Variants in LPP observed in about 807,000 individuals in gnomAD.
LPP encodes lipoma-preferred partner.
A neutral mutation model predicts 60.4 loss-of-function variants in LPP; 38 were observed. That is an observed-to-expected ratio of 0.63 (90% CI 0.49 to 0.83). LPP has a LOEUF of 0.83. Ranked by LOEUF, LPP falls within the 40% of genes least tolerant of loss-of-function variation. The probability of loss-of-function intolerance (pLI) is 0.00; values close to 1 mark genes in which losing one functional copy is unlikely to be tolerated. For missense variants in LPP, 902 were observed against 783.6 expected (o/e 1.15, Z -1.80); for synonymous variants, 328 against 290.8 (o/e 1.13, Z -1.30).
At chr3:188,659,720 T>TCATGGAACC (rs1466771634) in intron 7 of LPP, among the ~76,000 whole-genome samples, 4 of 152,016 alleles carry the variant, frequency 2.6e-5, no homozygotes, top group Non-Finnish European at 5.9e-5. Flanking sequence ...CAGCCTTCTC[T>TCATGGAACC]CATGGAACCC....
intron 4 of LPP, among the ~76,000 whole-genome samples, chr3:188,453,500 G>C (rs1384586471): frequency 6.6e-6 from 1 of 152,002 alleles, no homozygotes; most frequent in Non-Finnish European, 1.5e-5. Flanking sequence ...AGGAAATGCT[G>C]ATCTCCTTCC....
intron 7 of LPP, among the ~76,000 whole-genome samples, chr3:188,697,762 T>C (rs1407818521): frequency 1.3e-5 from 2 of 152,240 alleles, no homozygotes; most frequent in African/African-American, 4.8e-5. Context: ...TGTTAACATT[T>C]GGATATATTC....
intron 4 of LPP, among the ~76,000 whole-genome samples, chr3:188,408,078 G>T (rs770119087): frequency 3.9e-5 from 6 of 152,034 alleles, no homozygotes; most frequent in Non-Finnish European, 8.8e-5. Context: ...GTGAGCCACC[G>T]CACCTGGCCC....
chr3:188,705,913 G>A (rs924521471), intron 7 of LPP, among the ~76,000 whole-genome samples: 7 of 152,034 alleles, frequency 4.6e-5, no homozygotes, highest in African/African-American at 1.2e-4. Context: ...CACTGTGCCC[G>A]ACCTGTGCTT....
intron 1 of LPP, among the ~76,000 whole-genome samples, chr3:188,184,981 G>A (rs1726162652): frequency 1.3e-5 from 2 of 152,252 alleles, no homozygotes; most frequent in Non-Finnish European, 2.9e-5. Flanking sequence ...CACAGGCACA[G>A]GTACAGTGTG....
rs1436537071 is a variant in LPP, at chr3:188,258,849, G to A, written c.-67+33322G>A. On this transcript the variant is annotated intron_variant, in intron 2 of 11. Coordinates refer to ENST00000617246, the MANE Select transcript of LPP (RefSeq NM_001375462.1). ...ATGTTACCATTCCATTGAAGGGTGG[G>A]ATTTATTCACTGAGAACATTTATAT... 3.3e-5 allele frequency among the ~76,000 whole-genome samples: 5 copies of A among 152,316 alleles called. No homozygotes were observed. The East Asian group carries it at 9.6e-4, about 29-fold the overall frequency.
At chr3:188,751,727 A>G (rs540082169) in intron 8 of LPP, among the ~76,000 whole-genome samples, 98 of 152,316 alleles carry the variant, frequency 6.4e-4, no homozygotes, top group African/African-American at 2.3e-3. Context: ...CTGCCTTTTC[A>G]TCAACTGTTA....
intron 1 of LPP, among the ~76,000 whole-genome samples, chr3:188,159,276 A>C (rs1717463436): frequency 6.6e-6 from 1 of 152,140 alleles, no homozygotes; most frequent in South Asian, 2.1e-4. Flanking sequence ...CAGGGCTCTG[A>C]GGGAACACCT....
intron 6 of LPP, among the ~76,000 whole-genome samples, chr3:188,593,504 T>G (rs1335943283): frequency 6.6e-6 from 1 of 152,184 alleles, no homozygotes; most frequent in Non-Finnish European, 1.5e-5. Context: ...ATTAGTAAGT[T>G]CTTTAACGGA....
intron 9 of LPP, among the ~76,000 whole-genome samples, chr3:188,856,055 G>T (rs986846318): frequency 2.6e-5 from 4 of 152,180 alleles, no homozygotes; most frequent in Admixed American, 6.5e-5. Context: ...GGGTTGTTAA[G>T]ATGGGGCTTC....
chr3:188,367,048 C>T (rs1201290364), intron 3 of LPP, among the ~76,000 whole-genome samples: 1 of 152,112 alleles, frequency 6.6e-6, no homozygotes, highest in Non-Finnish European at 1.5e-5. Flanking sequence ...AGGCACCCGC[C>T]ACCATGCCCG....
At chr3:188,211,038 A>C (rs1734563127) in intron 1 of LPP, among the ~76,000 whole-genome samples, 1 of 152,190 alleles carries the variant, frequency 6.6e-6, no homozygotes, top group African/African-American at 2.4e-5. Flanking sequence ...TAAATAATAA[A>C]TGTTTGCTTA....
At chr3:188,510,350 T>C (rs1245825075) in intron 5 of LPP, among the ~76,000 whole-genome samples, 2 of 152,224 alleles carry the variant, frequency 1.3e-5, no homozygotes, top group Admixed American at 6.5e-5. Context: ...TGTTGTGCTG[T>C]GGAATCACGT....
intron 6 of LPP, among the ~76,000 whole-genome samples, chr3:188,583,350 A>C (rs752498224): frequency 3.9e-5 from 6 of 152,062 alleles, no homozygotes; most frequent in Non-Finnish European, 5.9e-5. Flanking sequence ...ACATTGAGCC[A>C]CCACTGGAGA....
chr3:188,495,205 A>G (rs868336624), intron 5 of LPP, among the ~76,000 whole-genome samples: 1 of 141,290 alleles, frequency 7.1e-6, no homozygotes, highest in African/African-American at 2.6e-5. Context: ...TTATAAATAT[A>G]TATATATTTT....
intron 6 of LPP, among the ~76,000 whole-genome samples, chr3:188,547,832 C>G (rs1053036493): frequency 2.6e-5 from 4 of 152,100 alleles, no homozygotes; most frequent in African/African-American, 9.7e-5. Flanking sequence ...TATAAAATGG[C>G]AGAGTTTGAG....
chr3:188,593,583 C>T (rs1839384216), intron 6 of LPP, among the ~76,000 whole-genome samples: 2 of 151,996 alleles, frequency 1.3e-5, no homozygotes, highest in Admixed American at 1.3e-4. Flanking sequence ...TGTCTTTTTT[C>T]CCATGCTCCC....
At chr3:188,861,171 G>A (rs900781286) in intron 9 of LPP, among the ~76,000 whole-genome samples, 5 of 152,156 alleles carry the variant, frequency 3.3e-5, no homozygotes, top group Non-Finnish European at 7.4e-5. Flanking sequence ...GATTATGGGT[G>A]AATGGCCAAG....
chr3:188,860,660 A>G (rs1764984827), intron 9 of LPP, among the ~76,000 whole-genome samples: 1 of 151,890 alleles, frequency 6.6e-6, no homozygotes, highest in Non-Finnish European at 1.5e-5. Flanking sequence ...AACTTATTTT[A>G]TATAAAGTAC....
Sources: gnomAD v4.1 joint callset for allele counts (sites outside exome capture counted in the v4.1 genomes callset) on GRCh38, gnomAD v4.1.1 for gene constraint, MANE v1.5 for transcripts, NCBI Gene and HGNC (gene_info 2026-07-23, HGNC 2026-07-21) for gene names.